Variants in RPTOR observed in about 807,000 individuals in gnomAD.
RPTOR encodes the protein regulatory associated protein of MTOR complex 1, also known as regulatory-associated protein of mTOR.
In RPTOR, 21 loss-of-function variants were observed where a neutral mutation model predicts 169.9. The observed-to-expected ratio is 0.12, with a 90% CI of 0.09 to 0.18. The LOEUF (loss-of-function observed/expected upper bound fraction) is 0.18, where lower values mean the gene tolerates loss of function less well. RPTOR is among the 10% of genes least tolerant of loss of function. The probability of loss-of-function intolerance (pLI) is 1.00; values close to 1 mark genes in which losing one functional copy is unlikely to be tolerated. For synonymous variants in RPTOR, 732 were observed against 753.2 expected (o/e 0.97, Z 0.46); for missense variants, 1,133 against 1,855.9 (o/e 0.61, Z 7.16).
intron 13 of RPTOR, among the ~76,000 whole-genome samples, chr17:80,872,316 C>G (rs1187130672): frequency 1.3e-5 from 2 of 152,176 alleles, no homozygotes; most frequent in Admixed American, 1.3e-4. Context: ...CCTCCTAGTT[C>G]CATGTGGAGC....
At chr17:80,939,459 A>G (rs982439580) in intron 24 of RPTOR, among the ~76,000 whole-genome samples, 1 of 152,264 alleles carries the variant, frequency 6.6e-6, no homozygotes, top group African/African-American at 2.4e-5. Context: ...CAGCATGTCT[A>G]GCGTCTGCAT....
At chr17:80,927,618 C>G (rs1037155688) in intron 24 of RPTOR, among the ~76,000 whole-genome samples, 25 of 149,032 alleles carry the variant, frequency 1.7e-4, no homozygotes, top group East Asian at 3.9e-4. Flanking sequence ...GTCTGTCTGT[C>G]TGTCTGTCTG....
chr17:80,874,666 G>A (rs1392625989), intron 13 of RPTOR, among the ~76,000 whole-genome samples: 4 of 152,134 alleles, frequency 2.6e-5, no homozygotes, highest in Non-Finnish European at 5.9e-5. Context: ...CCGGTAAACA[G>A]AAATCCCTGC....
At chr17:80,906,454 G>A (rs987289598) in intron 20 of RPTOR, among the ~76,000 whole-genome samples, 1 of 152,210 alleles carries the variant, frequency 6.6e-6, no homozygotes, top group African/African-American at 2.4e-5. Flanking sequence ...TTGAGCAGAA[G>A]GTGCATCTGC....
chr17:80,883,795 G>A lies in RPTOR; in HGVS notation c.1665G>A (p.Gln555=), dbSNP rs774087013. Residue 555 remains glutamine, a synonymous_variant, in exon 16 of 34, where the codon CAG becomes CAA. Transcript: ENST00000306801. ...SYHTGQEACL[Q]GNLIAICLEQ... ...CGCCTCTGCAGGAAGCCTGCCTTCA[G>A]GGAAACCTCATTGCCATCTGCCTGG... The A allele has an allele frequency of 2.8e-5, 45 of 1,613,518 alleles. No individual in the cohort carries two copies. Among genetic ancestry groups the A allele is most frequent in the Non-Finnish European group, 3.6e-5 (42 of 1,180,052 alleles).
rs1480251784 is a variant in RPTOR at position 80,883,410 on chromosome 17, G to T, written c.1585-9G>T. 6.2e-7 allele frequency: 1 copy of T among 1,614,080 alleles called. No individual in the cohort carries two copies. The highest frequency in any genetic ancestry group is 1.1e-5 in the South Asian group (1 of 91,078). ...GGGGAGACGACCAGGACTGGTTTTT[G>T]TTTTCCAGGCTGAACACCGGACCAT... On this transcript the variant is annotated splice_polypyrimidine_tract_variant and intron_variant, in intron 14 of 33. Coordinates refer to ENST00000306801, the MANE Select transcript of RPTOR (RefSeq NM_020761.3).
intron 28 of RPTOR, among the ~76,000 whole-genome samples, chr17:80,949,778 G>A (rs2069150299): frequency 6.6e-6 from 1 of 152,230 alleles, no homozygotes; most frequent in South Asian, 2.1e-4. Flanking sequence ...TCAGCCACTC[G>A]TGGGTGCCCC....
chr17:80,860,122 G>T lies in RPTOR; in HGVS notation c.1509+2222G>T, dbSNP rs2067901483. 6.6e-6 allele frequency among the ~76,000 whole-genome samples: 1 copy of T among 152,326 alleles called. No homozygotes were observed. Among genetic ancestry groups the T allele is most frequent in the Middle Eastern group, 3.4e-3 (1 of 294 alleles). On this transcript the variant is annotated intron_variant, in intron 13 of 33. Coordinates refer to ENST00000306801, the MANE Select transcript of RPTOR (RefSeq NM_020761.3). This position sits in a 1 kb window ranked among gnomAD's most constrained non-coding sequence, Gnocchi z 5.8. ...CGGAGCTTAAGCCCCCGGGGCTCCT[G>T]CCTGCTGCCCGGCGCTCCCCAGGCC...
At chr17:80,792,686 A>T (rs1188859660) in intron 7 of RPTOR, among the ~76,000 whole-genome samples, 4 of 149,596 alleles carry the variant, frequency 2.7e-5, no homozygotes, top group African/African-American at 7.4e-5. Context: ...AAATAACTTT[A>T]AAAAAAAAAT....
Position 80,588,365 on chromosome 17 carries a change from G to A in RPTOR, c.163-37326G>A, listed in dbSNP as rs190290958. ...TTTAGTAGAGATGGGGTTTCACCAT[G>A]TTGGTCAGGTTGGTCTCAAACTCCT... On this transcript the variant is annotated intron_variant, in intron 1 of 33. Coordinates refer to ENST00000306801, the MANE Select transcript of RPTOR (RefSeq NM_020761.3). Among the ~76,000 whole-genome samples the A allele has an allele frequency of 2.0e-5, 3 of 152,174 alleles. No individual in the cohort carries two copies. The East Asian group carries it at 5.8e-4, about 29-fold the overall frequency.
At chr17:80,641,238 G>A (rs182189869) in intron 2 of RPTOR, among the ~76,000 whole-genome samples, 17 of 152,262 alleles carry the variant, frequency 1.1e-4, no homozygotes, top group African/African-American at 3.9e-4. Flanking sequence ...CACAGATTAC[G>A]GATTATAACA....
chr17:80,834,285 C>T (rs187218996), intron 9 of RPTOR, among the ~76,000 whole-genome samples: 1 of 152,314 alleles, frequency 6.6e-6, no homozygotes, highest in Admixed American at 6.5e-5. Flanking sequence ...GGTTTGTAGG[C>T]GTTCTTTTAC....
chr17:80,700,776 AGATGAT>A (rs748421520), intron 3 of RPTOR, among the ~76,000 whole-genome samples: 64 of 1,438 alleles, frequency 0.045, no homozygotes, highest in African/African-American at 0.053. Flanking sequence ...GTGATGGTAG[AGATGAT>A]GATGGTGGTG....
At chr17:80,753,458 C>A (rs897084713) in intron 5 of RPTOR, among the ~76,000 whole-genome samples, 3 of 151,550 alleles carry the variant, frequency 2.0e-5, no homozygotes, top group Non-Finnish European at 2.9e-5. Flanking sequence ...CACGGTGAAA[C>A]CCCGTCTCTA....
At chr17:80,629,593 T>C (rs1001579910) in intron 2 of RPTOR, among the ~76,000 whole-genome samples, 1 of 147,710 alleles carries the variant, frequency 6.8e-6, no homozygotes, top group South Asian at 2.2e-4. Context: ...GTTTCTCTCT[T>C]CTGGGACTCA....
intron 6 of RPTOR, among the ~76,000 whole-genome samples, chr17:80,770,977 C>T (rs1412093587): frequency 2.6e-5 from 4 of 152,250 alleles, no homozygotes; most frequent in African/African-American, 9.6e-5. Flanking sequence ...GGGGCAGTCC[C>T]CTGCCTTCCT....
chr17:80,919,748 A>AT (rs1241956653), intron 21 of RPTOR, among the ~76,000 whole-genome samples: 1 of 152,178 alleles, frequency 6.6e-6, no homozygotes, highest in Non-Finnish European at 1.5e-5. Flanking sequence ...GACTGTTAGC[A>AT]AAGTCGTATC....
intron 3 of RPTOR, among the ~76,000 whole-genome samples, chr17:80,680,432 A>G (rs188585016): frequency 1.3e-5 from 2 of 152,320 alleles, no homozygotes; most frequent in East Asian, 3.9e-4. Context: ...CCAGGAGTTC[A>G]AGACCAGCCT....
rs925567105 is a variant in RPTOR at position 80,861,714 on chromosome 17, C to T, written c.1509+3814C>T. Among the ~76,000 whole-genome samples the T allele has an allele frequency of 3.9e-5, 6 of 152,176 alleles. No homozygotes were observed. Among genetic ancestry groups the T allele is most frequent in the African/African-American group, 1.4e-4 (6 of 41,432 alleles). ...GCATGCAGAGGTCTGGGATTACGGC[C>T]GCCTGAGCCTGCTCCCCAGCACCGC... On this transcript the variant is annotated intron_variant, in intron 13 of 33. Transcript: ENST00000306801. The surrounding 1 kb of genome is among the most constrained non-coding windows in gnomAD (Gnocchi z 4.5).
Sources: gnomAD v4.1 joint callset for allele counts (sites outside exome capture counted in the v4.1 genomes callset) on GRCh38, gnomAD v4.1.1 for gene constraint, Gnocchi (gnomAD v3.1) non-coding constraint, MANE v1.5 for transcripts, NCBI Gene and HGNC (gene_info 2026-07-23, HGNC 2026-07-21) for gene names.